ULK4: variants seen among roughly 807,000 people sequenced by gnomAD.
ULK4 encodes unc-51 like kinase 4, also known as inactive serine/threonine-protein kinase ULK4.
In ULK4, 133 loss-of-function variants were observed where a neutral mutation model predicts 160.6. That is an observed-to-expected ratio of 0.83 (90% CI 0.72 to 0.96). The LOEUF (loss-of-function observed/expected upper bound fraction) is 0.96. Among genes scored for constraint, ULK4 ranks in the 40% least tolerant of loss-of-function variants. The pLI, the probability that ULK4 is intolerant of heterozygous loss-of-function variation, is 0.00. For missense variants in ULK4, 1,580 were observed against 1,499.5 expected (o/e 1.05, Z -0.89); for synonymous variants, 534 against 539.8 (o/e 0.99, Z 0.15).
chr3:41,649,482 G>A (rs1267545618), intron 30 of ULK4, among the ~76,000 whole-genome samples: 10 of 151,686 alleles, frequency 6.6e-5, no homozygotes, highest in East Asian at 1.9e-4. Context: ...CCACCCCTAC[G>A]CTCAGAAGTG....
At chr3:41,457,194 G>GATAAGGCAGTCTTGCAAATCAGCA (rs2083573658) in intron 33 of ULK4, among the ~76,000 whole-genome samples, 1 of 152,168 alleles carries the variant, frequency 6.6e-6, no homozygotes, top group African/African-American at 2.4e-5. Flanking sequence ...TCCTGGGAGA[G>GATAAGGCAGTCTTGCAAATCAGCA]ATAAGGCAGT....
chr3:41,842,148 A>G (rs2041943932), intron 17 of ULK4, among the ~76,000 whole-genome samples: 1 of 151,388 alleles, frequency 6.6e-6, no homozygotes, highest in African/African-American at 2.4e-5. Context: ...ACAAAAAAAA[A>G]AAAAAGAAAA....
intron 35 of ULK4, among the ~76,000 whole-genome samples, chr3:41,391,515 A>G (rs1239782522): frequency 3.3e-5 from 5 of 151,792 alleles, no homozygotes; most frequent in South Asian, 2.1e-4. Context: ...CTCAAGGAAT[A>G]TTTCTTTACT....
chr3:41,868,489 G>A (rs1696976877), intron 17 of ULK4, among the ~76,000 whole-genome samples: 2 of 151,814 alleles, frequency 1.3e-5, no homozygotes, highest in African/African-American at 4.8e-5. Context: ...CTAGGTTTTT[G>A]TTTTTGTTTT....
At chr3:41,344,392 C>T (rs1370916743) in intron 35 of ULK4, among the ~76,000 whole-genome samples, 2 of 152,042 alleles carry the variant, frequency 1.3e-5, no homozygotes, top group African/African-American at 4.8e-5. Context: ...AAAATCTAGG[C>T]AATACTATCT....
chr3:41,592,006 G>A (rs2031345376), intron 31 of ULK4, among the ~76,000 whole-genome samples: 1 of 152,198 alleles, frequency 6.6e-6, no homozygotes, highest in South Asian at 2.1e-4. Flanking sequence ...GTGGAGTCTT[G>A]CATCCGGAAC....
intron 35 of ULK4, among the ~76,000 whole-genome samples, chr3:41,385,259 T>C (rs938922461): frequency 6.6e-6 from 1 of 152,106 alleles, no homozygotes; most frequent in Non-Finnish European, 1.5e-5. Flanking sequence ...TTTCAACTTT[T>C]CTTGGATTTT....
intron 35 of ULK4, among the ~76,000 whole-genome samples, chr3:41,347,148 G>A (rs1170274579): frequency 6.6e-6 from 1 of 152,142 alleles, no homozygotes; most frequent in East Asian, 1.9e-4. Context: ...AAATAAAAGT[G>A]CCGTCGCTGC....
intron 34 of ULK4, among the ~76,000 whole-genome samples, chr3:41,453,326 C>G (rs1385218242): frequency 6.6e-6 from 1 of 152,104 alleles, no homozygotes; most frequent in African/African-American, 2.4e-5. Context: ...CAGGTGTGCA[C>G]CACCACACCT....
chr3:41,695,856 C>G (rs2036475751), intron 27 of ULK4, among the ~76,000 whole-genome samples: 1 of 151,904 alleles, frequency 6.6e-6, no homozygotes, highest in Admixed American at 6.6e-5. Flanking sequence ...TATAATAATC[C>G]TCGCTCTATA....
Position 41,828,910 on chromosome 3 carries a change from G to A in ULK4, c.1764+6954C>T, listed in dbSNP as rs868749178. On this transcript the variant is annotated intron_variant, in intron 18 of 36. Coordinates refer to ENST00000301831, the MANE Select transcript of ULK4 (RefSeq NM_017886.4). ...ACTTCAAACTATACTACAAGGCTAC[G>A]GTAACCAAAACAGCATGGTACTGGT... Among the ~76,000 whole-genome samples, 1,277 of 150,492 alleles carry A rather than the reference G, an allele frequency of 8.5e-3. 12 individuals are homozygous for A. The highest frequency in any genetic ancestry group is 0.03 in the African/African-American group (1,193 of 40,434).
At chr3:41,561,507 G>A (rs2087568953) in intron 32 of ULK4, among the ~76,000 whole-genome samples, 1 of 152,112 alleles carries the variant, frequency 6.6e-6, no homozygotes, top group Admixed American at 6.6e-5. Flanking sequence ...ACTTTTGGTT[G>A]GCAGGCTATT....
intron 32 of ULK4, among the ~76,000 whole-genome samples, chr3:41,530,537 T>C (rs1332637758): frequency 6.6e-6 from 1 of 151,982 alleles, no homozygotes; most frequent in Non-Finnish European, 1.5e-5. Context: ...CCATTGGAGC[T>C]ACCCCCGCCT....
intron 34 of ULK4, among the ~76,000 whole-genome samples, chr3:41,454,448 G>A (rs1158800606): frequency 6.7e-6 from 1 of 149,980 alleles, no homozygotes; most frequent in Admixed American, 6.7e-5. Flanking sequence ...GCTGAGGCAG[G>A]AGAATTGCTT....
chr3:41,358,138 A>T (rs1285963402), intron 35 of ULK4, among the ~76,000 whole-genome samples: 2 of 152,314 alleles, frequency 1.3e-5, no homozygotes, highest in African/African-American at 4.8e-5. Context: ...GCTACAGGAC[A>T]TTGGAGGGCA....
chr3:41,480,349 T>C (rs1295593161), intron 32 of ULK4, among the ~76,000 whole-genome samples: 4 of 152,098 alleles, frequency 2.6e-5, no homozygotes, highest in Non-Finnish European at 5.9e-5. Flanking sequence ...ATATTACACA[T>C]GGGATATATT....
chr3:41,625,640 C>T (rs2125696578), intron 30 of ULK4, among the ~76,000 whole-genome samples: 1 of 152,324 alleles, frequency 6.6e-6, no homozygotes, highest in South Asian at 2.1e-4. Context: ...CATAGCAGAT[C>T]TTACAAAATA....
At chr3:41,294,783 G>C (rs2079638162) in intron 35 of ULK4, among the ~76,000 whole-genome samples, 1 of 152,134 alleles carries the variant, frequency 6.6e-6, no homozygotes, top group African/African-American at 2.4e-5. Flanking sequence ...AAAATCTGAT[G>C]AATGAAATTT....
intron 22 of ULK4, among the ~76,000 whole-genome samples, chr3:41,733,577 AAG>A (rs2037908555): frequency 1.3e-5 from 2 of 152,076 alleles, no homozygotes; most frequent in Non-Finnish European, 2.9e-5. Context: ...TATTTATAAA[AAG>A]AGGTAAACAG....
Sources: gnomAD v4.1 joint callset for allele counts (sites outside exome capture counted in the v4.1 genomes callset) on GRCh38, gnomAD v4.1.1 for gene constraint, MANE v1.5 for transcripts, NCBI Gene and HGNC (gene_info 2026-07-23, HGNC 2026-07-21) for gene names.